Variants in CCDC7 observed in about 807,000 individuals in gnomAD.
CCDC7 encodes the protein coiled-coil domain containing 7, also known as coiled-coil domain-containing protein 7.
In CCDC7, 183 loss-of-function variants were observed where a neutral mutation model predicts 196.9. The observed-to-expected ratio is 0.93, with a 90% confidence interval of 0.82 to 1.05. The LOEUF (loss-of-function observed/expected upper bound fraction) is 1.05, where lower values mean the gene tolerates loss of function less well. Ranked by LOEUF, CCDC7 falls within the 50% of genes least tolerant of loss-of-function variation. CCDC7 has a pLI of 0.00. For synonymous variants in CCDC7, 525 were observed against 484.6 expected (o/e 1.08, Z -1.10); for missense variants, 1,540 against 1,482.2 (o/e 1.04, Z -0.64).
intron 3 of CCDC7, 63 bp from the exon 5 acceptor site, chr10:32,462,620 A>G: frequency 8.2e-7 from 1 of 1,224,430 alleles, no homozygotes; most frequent in Non-Finnish European, 1.1e-6. Flanking sequence ...TGAACTAAAT[A>G]TTATATTATA....
intron 9 of CCDC7, among the ~76,000 whole-genome samples, chr10:32,505,391 C>T (rs568876277): frequency 8.5e-5 from 13 of 152,130 alleles, no homozygotes; most frequent in African/African-American, 2.9e-4. Context: ...TCTTAACGAG[C>T]ATGCTGCCTT....
intron 7 of CCDC7, 84 bp downstream of exon 8, chr10:32,472,626 A>C: frequency 3.4e-5 from 42 of 1,249,126 alleles, no homozygotes; most frequent in Non-Finnish European, 4.4e-5. Flanking sequence ...AGAGGGTCTC[A>C]CTCTGTCACC....
chr10:32,494,292 A>G (rs2042572287), intron 9 of CCDC7, among the ~76,000 whole-genome samples: 1 of 151,720 alleles, frequency 6.6e-6, no homozygotes, highest in Non-Finnish European at 1.5e-5. Flanking sequence ...TTCTTTTCCT[A>G]ATTATGTGTT....
intron 28 of CCDC7, among the ~76,000 whole-genome samples, chr10:32,737,181 T>C (rs985365323): frequency 1.3e-5 from 2 of 152,204 alleles, no homozygotes; most frequent in African/African-American, 4.8e-5. Flanking sequence ...GAATATTGCA[T>C]GAATGTTGCG....
chr10:32,582,141 C>CT (rs1299412017), intron 16 of CCDC7, among the ~76,000 whole-genome samples: 1 of 61,324 alleles, frequency 1.6e-5, no homozygotes, highest in Admixed American at 1.5e-4. Context: ...TATATATATA[C>CT]TTTTTTTTTC....
At chr10:32,665,916 CCTT>C (rs1437167669) in intron 21 of CCDC7, among the ~76,000 whole-genome samples, 4 of 151,724 alleles carry the variant, frequency 2.6e-5, no homozygotes, top group African/African-American at 2.4e-5. Flanking sequence ...TTTTTTTCCT[CCTT>C]GTTTAAATTT....
chr10:32,848,769 A>G, intron 39 of CCDC7, 51 bp downstream of exon 40: 1 of 1,304,196 alleles, frequency 7.7e-7, no homozygotes, highest in Non-Finnish European at 1.1e-6. Context: ...TACCTAGAAT[A>G]GTTTTAAAGT....
intron 11 of CCDC7, among the ~76,000 whole-genome samples, chr10:32,528,184 TCAAATGACAGGATTC>T (rs1460691805): frequency 5.3e-5 from 8 of 152,206 alleles, no homozygotes; most frequent in African/African-American, 1.9e-4. Flanking sequence ...CCATGTTGCT[TCAAATGACAGGATTC>T]CATCCTTTTT....
At chr10:32,681,750 C>CACACACACACAT in intron 21 of CCDC7, among the ~76,000 whole-genome samples, 1 of 148,182 alleles carries the variant, frequency 6.7e-6, no homozygotes, top group African/African-American at 2.5e-5. Context: ...CACACACACA[C>CACACACACACAT]ACACACACAC....
upstream of CCDC7, among the ~76,000 whole-genome samples, chr10:32,445,044 G>C (rs1474291343): frequency 1.3e-5 from 2 of 151,974 alleles, no homozygotes; most frequent in African/African-American, 4.8e-5. Context: ...AGTAGAGATG[G>C]GGTTTCACCA....
intron 33 of CCDC7, among the ~76,000 whole-genome samples, chr10:32,840,893 AGAC>A (rs1196955124): frequency 6.6e-6 from 1 of 151,986 alleles, no homozygotes; most frequent in African/African-American, 2.4e-5. Flanking sequence ...ACAGAATTAA[AGAC>A]AACAATCACA....
At chr10:32,640,147 A>G (rs1331509926) in intron 20 of CCDC7, among the ~76,000 whole-genome samples, 1 of 152,112 alleles carries the variant, frequency 6.6e-6, no homozygotes, top group African/African-American at 2.4e-5. Flanking sequence ...GGGGTGTTAA[A>G]GTCTCCCATT....
At chr10:32,670,030 G>A (rs1035539957) in intron 21 of CCDC7, among the ~76,000 whole-genome samples, 3 of 152,082 alleles carry the variant, frequency 2.0e-5, no homozygotes, top group African/African-American at 4.8e-5. Flanking sequence ...ATCTTCGCTT[G>A]GGGCACGTTT....
intron 28 of CCDC7, among the ~76,000 whole-genome samples, chr10:32,757,237 C>G (rs550138125): frequency 6.6e-6 from 1 of 152,326 alleles, no homozygotes; most frequent in South Asian, 2.1e-4. Flanking sequence ...GAATTCAGCT[C>G]TGCACCAAGT....
chr10:32,776,119 T>G (rs1351926068), intron 28 of CCDC7, among the ~76,000 whole-genome samples: 1 of 140,670 alleles, frequency 7.1e-6, no homozygotes, highest in African/African-American at 2.6e-5. Context: ...TATCACACTC[T>G]GGGGACTGTG....
chr10:32,535,728 G>A (rs1564578952), intron 11 of CCDC7, among the ~76,000 whole-genome samples: 1 of 152,182 alleles, frequency 6.6e-6, no homozygotes, highest in Non-Finnish European at 1.5e-5. Context: ...AGAGGTGCTG[G>A]ACTCTCAGCT....
At position 32,862,551 on chromosome 10, in the gene CCDC7, G is replaced by A. The variant is rs11527663; in HGVS notation, c.4111+8062G>A. ...CTGCACATGTACCCCAGAACTTAAGGTATAATAATAAAAAAAAAACCCACA... is the reference window on the plus strand; with the variant it reads ...CTGCACATGTACCCCAGAACTTAAGATATAATAATAAAAAAAAAACCCACA... On this transcript the variant is annotated intron_variant, in intron 41 of 41. Coordinates refer to ENST00000639629, the Ensembl canonical transcript of CCDC7. Among the ~76,000 whole-genome samples, 330 of 149,642 alleles carry A rather than the reference G, an allele frequency of 2.2e-3. 8 individuals are homozygous for A. In the East Asian group the frequency reaches 0.057, roughly 26 times the overall value.
intron 25 of CCDC7, among the ~76,000 whole-genome samples, chr10:32,717,060 C>G (rs945824174): frequency 6.6e-6 from 1 of 152,166 alleles, no homozygotes; most frequent in Non-Finnish European, 1.5e-5. Flanking sequence ...ACTCTCCACC[C>G]CAAATCAACA....
rs1028874873 is a variant in CCDC7, at chr10:32,750,124, T to A, written c.2905+20667T>A. On this transcript the variant is annotated intron_variant, in intron 28 of 41. Transcript: ENST00000639629. ...GTAATTATAATATAATTTTTGAAGA[T>A]TTTAAGAATAAATAATTCTCTAAAT... Among the ~76,000 whole-genome samples, 8 of 152,200 alleles carry A rather than the reference T, an allele frequency of 5.3e-5. No homozygotes were observed. In the South Asian group the frequency reaches 1.2e-3, roughly 24 times the overall value.
Sources: allele counts gnomAD v4.1 joint callset (sites outside exome capture counted in the v4.1 genomes callset), GRCh38; gene constraint gnomAD v4.1.1; transcripts MANE v1.5; gene names NCBI Gene and HGNC (gene_info 2026-07-23, HGNC 2026-07-21).